ZNF343: variants seen among roughly 807,000 people sequenced by gnomAD.
ZNF343 encodes zinc finger protein 343.
In ZNF343, 11 loss-of-function variants were observed where a neutral mutation model predicts 13.8. The ratio of observed to expected loss-of-function variants is 0.80; its 90% CI spans 0.50 to 1.32. The LOEUF (loss-of-function observed/expected upper bound fraction) is 1.32, where lower values mean the gene tolerates loss of function less well. Among genes scored for constraint, ZNF343 ranks in the 40% most tolerant of loss-of-function variants. ZNF343 has a pLI of 0.00. For synonymous variants in ZNF343, 248 were observed against 260.0 expected (o/e 0.95, Z 0.44); for missense variants, 658 against 714.2 (o/e 0.92, Z 0.90).
intron 5 of ZNF343, among the ~76,000 whole-genome samples, chr20:2,489,680 A>C (rs1443436574): frequency 6.6e-6 from 1 of 152,222 alleles, no homozygotes; most frequent in African/African-American, 2.4e-5. Context: ...AGAAATGAGC[A>C]TTTGCTATTA....
At chr20:2,497,729 G>A (rs1180077284) in intron 2 of ZNF343, among the ~76,000 whole-genome samples, 1 of 152,172 alleles carries the variant, frequency 6.6e-6, no homozygotes, top group Non-Finnish European at 1.5e-5. Context: ...TAGCTGAAGG[G>A]AGAGATCACA....
chr20:2,500,442 G>A (rs573018568), intron 2 of ZNF343, among the ~76,000 whole-genome samples: 3 of 152,318 alleles, frequency 2.0e-5, no homozygotes, highest in African/African-American at 4.8e-5. Flanking sequence ...GGGCAAGGAC[G>A]GTGATAACCT....
At chr20:2,522,270 A>G (rs1221361416) in intron 1 of ZNF343, among the ~76,000 whole-genome samples, 2 of 152,210 alleles carry the variant, frequency 1.3e-5, no homozygotes, top group Non-Finnish European at 2.9e-5. Context: ...TACTGCTTAG[A>G]TTTATCTAAA....
In ZNF343 at chr20:2,493,969, T is replaced by C. The variant is rs561876261; in HGVS notation, c.-74A>G. Reference sequence around the variant, plus strand: ...AGGTAGATGTTATTTCATCTCAAGATGGAGTTCTGCTGCCTGTGGTGACTT... The same window carrying C: ...AGGTAGATGTTATTTCATCTCAAGACGGAGTTCTGCTGCCTGTGGTGACTT... On this transcript the variant is annotated 5_prime_UTR_variant, in exon 3 of 6. Coordinates refer to ENST00000278772, the MANE Select transcript of ZNF343 (RefSeq NM_024325.6). The C allele has an allele frequency of 7.8e-6, 8 of 1,027,524 alleles. No homozygotes were observed. In the East Asian group the frequency reaches 1.2e-4, roughly 15 times the overall value. 63.7% of individuals were successfully genotyped at this position (1,027,524 alleles called of 1,614,324 possible).
Position 2,484,167 on chromosome 20 carries a change from C to T in ZNF343, c.794G>A (p.Gly265Glu), listed in dbSNP as rs779905448. 1 of 1,614,162 alleles carries T rather than the reference C, an allele frequency of 6.2e-7. No homozygotes were observed. Among genetic ancestry groups the T allele is most frequent in the Non-Finnish European group, 8.5e-7 (1 of 1,180,030 alleles). ...NFITNPRTLL[G>E]KKPYICSDCG... ...ATCACTGCAAATGTAGGGCTTCTTC[C>T]CTAAGAGGGTCCTCGGGTTTGTAAT... The change falls in exon 6 of 6, where the codon GGG (glycine) becomes GAG (glutamate). Residue 265 changes from glycine (G) to glutamate (E), a missense_variant. Coordinates refer to ENST00000278772, the MANE Select transcript of ZNF343 (RefSeq NM_024325.6).
chr20:2,503,145 AAGAT>A (rs1376206106), intron 1 of ZNF343, among the ~76,000 whole-genome samples: 1 of 152,232 alleles, frequency 6.6e-6, no homozygotes, highest in African/African-American at 2.4e-5. Flanking sequence ...AAAACAAAAA[AAGAT>A]AGGTGTTGCA....
intron 1 of ZNF343, among the ~76,000 whole-genome samples, chr20:2,503,959 C>G (rs1424943077): frequency 6.6e-6 from 1 of 152,096 alleles, no homozygotes; most frequent in African/African-American, 2.4e-5. Context: ...TAACTAAGAT[C>G]AGAGCAGAAC....
At position 2,483,656 on chromosome 20, in the gene ZNF343, C is replaced by T. The variant is rs761660239; in HGVS notation, c.1305G>A (p.Lys435=). 3.1e-6 allele frequency: 5 copies of T among 1,613,388 alleles called. No individual in the cohort carries two copies. The highest frequency in any genetic ancestry group is 2.2e-5 in the South Asian group (2 of 91,026). The change falls in exon 6 of 6, where the codon AAG becomes AAA. Residue 435 remains lysine, a synonymous_variant. Transcript: ENST00000278772. ...GCCCACACTCCCTGCAAACATAAGGCTTCTCATCCAAGTGTGTCCTCTGGT... is the reference window on the plus strand; with the variant it reads ...GCCCACACTCCCTGCAAACATAAGGTTTCTCATCCAAGTGTGTCCTCTGGT... The part of the protein sequence containing the change: ...IKHQRTHLDE[K]PYVCRECGRG...
rs73573135 is a variant in ZNF343, at chr20:2,515,395, G to A, written c.-347+9060C>T. Among the ~76,000 whole-genome samples, 1,025 of 152,234 alleles carry A rather than the reference G, an allele frequency of 6.7e-3. 14 individuals are homozygous for A. The highest frequency in any genetic ancestry group is 0.024 in the African/African-American group (976 of 41,528). Reference sequence around the variant, plus strand: ...ATGTAGTCAGAAGCATTCAAAATATGTATTGTTATATGGAGGAATTACAAT... The same window carrying A: ...ATGTAGTCAGAAGCATTCAAAATATATATTGTTATATGGAGGAATTACAAT... On this transcript the variant is annotated intron_variant, in intron 1 of 6. Transcript: ENST00000358413.
upstream of ZNF343, among the ~76,000 whole-genome samples, chr20:2,511,063 C>A (rs2085736853): frequency 6.6e-6 from 1 of 151,886 alleles, no homozygotes; most frequent in Admixed American, 6.6e-5. Context: ...ACAAATGTGA[C>A]CTTCTCAAGT....
In ZNF343 at chr20:2,492,935, G is replaced by A. The variant is rs558029825; in HGVS notation, c.178-110C>T. On this transcript the variant is annotated intron_variant, in intron 4 of 5. Transcript: ENST00000278772. The stretch of plus-strand genomic sequence containing the variant: ...CTGGATATGCAAGTTGATGTAATTC[G>A]TCAGAATATATGGTTCTCCATATGA... The A allele has an allele frequency of 3.5e-4, 517 of 1,480,256 alleles. 1 individual carries two copies. The Middle Eastern group carries it at 5.6e-3, about 16-fold the overall frequency. 91.7% of individuals were successfully genotyped at this position (1,480,256 alleles called of 1,614,324 possible).
At chr20:2,493,008 G>A (rs1360602332) in intron 4 of ZNF343, 183 bp from the exon 5 acceptor site, 1 of 722,648 alleles carries the variant, frequency 1.4e-6, no homozygotes, top group African/African-American at 1.8e-5. Context: ...TAAAACCTGT[G>A]AGGAGCATAA....
intron 3 of ZNF343, 95 bp from the exon 4 acceptor site, chr20:2,493,672 T>C: frequency 2.5e-6 from 3 of 1,177,310 alleles, no homozygotes; most frequent in Non-Finnish European, 3.6e-6. Context: ...AGCCTTAGGA[T>C]GAAGGAAGTA....
chr20:2,483,522 A>G lies in ZNF343; in HGVS notation c.1439T>C (p.Leu480Pro), dbSNP rs2085212441. ...CGRGFSRKSL[L>P]LVHQRTHSGE... Reference sequence around the variant, plus strand: ...TGAGTGTGTCCTCTGGTGGACAAGGAGGAGTGATTTCCGACTAAAGCCTCG... The same window carrying G: ...TGAGTGTGTCCTCTGGTGGACAAGGGGGAGTGATTTCCGACTAAAGCCTCG... The change falls in exon 6 of 6, where the codon CTC becomes CCC. Residue 480 changes from leucine (L) to proline (P), a missense_variant. By Grantham distance (98) the Leu-to-Pro change is moderately conservative (BLOSUM62 -3). Coordinates refer to ENST00000278772, the MANE Select transcript of ZNF343 (RefSeq NM_024325.6). The G allele has an allele frequency of 1.2e-6, 2 of 1,612,750 alleles. No homozygotes were observed. Among genetic ancestry groups the G allele is most frequent in the Middle Eastern group, 3.3e-4 (2 of 6,058 alleles).
chr20:2,490,342 G>A (rs1312394387), intron 5 of ZNF343, among the ~76,000 whole-genome samples: 1 of 152,098 alleles, frequency 6.6e-6, no homozygotes, highest in African/African-American at 2.4e-5. Flanking sequence ...GAAAAAGAAG[G>A]AAGGGAATAG....
At chr20:2,492,935 G>T in intron 4 of ZNF343, 110 bp from the exon 5 acceptor site, 1 of 1,480,252 alleles carries the variant, frequency 6.8e-7, no homozygotes, top group Non-Finnish European at 9.1e-7. Context: ...GATGTAATTC[G>T]TCAGAATATA....
At chr20:2,494,158 G>A (rs1050441519) in intron 2 of ZNF343, 114 bp from the exon 3 acceptor site, 5 of 384,718 alleles carry the variant, frequency 1.3e-5, no homozygotes, top group African/African-American at 1.0e-4. Flanking sequence ...AACAAACACG[G>A]AGTCTCCATC....
At chr20:2,507,081 A>G (rs1054344590) in intron 1 of ZNF343, among the ~76,000 whole-genome samples, 10 of 152,058 alleles carry the variant, frequency 6.6e-5, no homozygotes, top group African/African-American at 2.4e-4. Context: ...CCTGACCAAC[A>G]TGGAGAAACC....
At chr20:2,484,681 G>C (rs769504603) in intron 5 of ZNF343, 25 bp from the exon 6 acceptor site, 8 of 1,561,144 alleles carry the variant, frequency 5.1e-6, no homozygotes, top group Non-Finnish European at 6.9e-6. Context: ...TTTTCTGTTA[G>C]AGTAGCCATA....
Sources: gnomAD v4.1 joint callset for allele counts (sites outside exome capture counted in the v4.1 genomes callset) on GRCh38, gnomAD v4.1.1 for gene constraint, MANE v1.5 for transcripts, NCBI Gene and HGNC (gene_info 2026-07-23, HGNC 2026-07-21) for gene names.